CSMD1: variants seen among roughly 807,000 people sequenced by gnomAD.
The protein encoded by CSMD1 is CUB and sushi domain-containing protein 1.
CSMD1 carries 213 observed loss-of-function variants against 417.5 expected under a neutral mutation model. The observed-to-expected ratio is 0.51, with a 90% CI of 0.46 to 0.57. The LOEUF is 0.57. CSMD1 is among the 20% of genes least tolerant of loss of function. The probability of loss-of-function intolerance (pLI) is 0.00; values close to 1 mark genes in which losing one functional copy is unlikely to be tolerated. For missense variants in CSMD1, 6,923 were observed against 4,529.7 expected (o/e 1.53, Z -15.17); for synonymous variants, 2,862 against 1,736.8 (o/e 1.65, Z -16.11).
At chr8:4,848,234 T>G (rs1473777828) in intron 1 of CSMD1, among the ~76,000 whole-genome samples, 1 of 152,198 alleles carries the variant, frequency 6.6e-6, no homozygotes, top group Non-Finnish European at 1.5e-5. Flanking sequence ...GATAGACTAT[T>G]GGGGTGTTTC....
At position 3,569,763 on chromosome 8, in the gene CSMD1, G is replaced by C. The variant is rs1239484312; in HGVS notation, c.1344+5182C>G. On this transcript the variant is annotated intron_variant, in intron 10 of 69. Transcript: ENST00000635120. ...AGCCTAATTATACTTAATGGCAATG[G>C]CTGCTGCTTAATTTGGATGGTAATT... 2.0e-5 allele frequency among the ~76,000 whole-genome samples: 3 copies of C among 152,216 alleles called. No individual in the cohort carries two copies. In the South Asian group the frequency reaches 6.2e-4, roughly 32 times the overall value.
At chr8:4,189,549 A>G (rs1584988686) in intron 3 of CSMD1, among the ~76,000 whole-genome samples, 1 of 152,314 alleles carries the variant, frequency 6.6e-6, no homozygotes. Flanking sequence ...GTTACCATCA[A>G]TTATCCCTCC....
At chr8:4,826,316 T>G (rs1799823577) in intron 1 of CSMD1, among the ~76,000 whole-genome samples, 1 of 152,090 alleles carries the variant, frequency 6.6e-6, no homozygotes, top group South Asian at 2.1e-4. Flanking sequence ...TATATGTGTG[T>G]GTGTGTATAT....
At chr8:4,458,282 G>C (rs534871826) in intron 2 of CSMD1, among the ~76,000 whole-genome samples, 2 of 152,186 alleles carry the variant, frequency 1.3e-5, no homozygotes, top group South Asian at 2.1e-4. Flanking sequence ...CACTCAATGA[G>C]AAATATCTTT....
chr8:3,866,392 T>G (rs1304246266), intron 5 of CSMD1, among the ~76,000 whole-genome samples: 31 of 152,340 alleles, frequency 2.0e-4, no homozygotes, highest in South Asian at 2.1e-4. Context: ...TACCATTGCT[T>G]AGCTCATATG....
chr8:3,912,368 C>A (rs1808518056), intron 5 of CSMD1, among the ~76,000 whole-genome samples: 1 of 152,162 alleles, frequency 6.6e-6, no homozygotes, highest in African/African-American at 2.4e-5. Flanking sequence ...GGATTTACTA[C>A]ATTCAAGGCA....
At chr8:3,936,290 G>A (rs946967852) in intron 5 of CSMD1, among the ~76,000 whole-genome samples, 2 of 152,148 alleles carry the variant, frequency 1.3e-5, no homozygotes, top group Non-Finnish European at 2.9e-5. Flanking sequence ...TAAGATCAGT[G>A]ACGAAGGTGG....
chr8:4,594,416 T>C lies in CSMD1; in HGVS notation c.302+42926A>G, dbSNP rs572209128. Among the ~76,000 whole-genome samples the C allele has an allele frequency of 2.6e-5, 4 of 152,132 alleles. No homozygotes were observed. In the South Asian group the frequency reaches 8.3e-4, roughly 32 times the overall value. ...GATTTCACCATGTTGGCCAGGCTGG[T>C]CTCAAACTCCTGAACTCAAGTAATC... is the stretch of plus-strand genomic sequence containing the variant. On this transcript the variant is annotated intron_variant, in intron 2 of 69. Transcript: ENST00000635120.
intron 10 of CSMD1, among the ~76,000 whole-genome samples, chr8:3,505,643 A>T (rs567416514): frequency 6.6e-6 from 1 of 152,346 alleles, no homozygotes; most frequent in African/African-American, 2.4e-5. Flanking sequence ...TACAAATCAA[A>T]GTTAGTTTTG....
chr8:3,579,023 G>T (rs1479711790), intron 9 of CSMD1, among the ~76,000 whole-genome samples: 3 of 152,176 alleles, frequency 2.0e-5, no homozygotes, highest in African/African-American at 7.2e-5. Flanking sequence ...CTAATAGAGA[G>T]TAAAATTCAC....
At chr8:4,471,293 A>T (rs1021541136) in intron 2 of CSMD1, among the ~76,000 whole-genome samples, 1 of 152,200 alleles carries the variant, frequency 6.6e-6, no homozygotes, top group Non-Finnish European at 1.5e-5. Context: ...CAACAAAGTC[A>T]AACAGGTTGG....
intron 12 of CSMD1, among the ~76,000 whole-genome samples, chr8:3,445,026 G>C (rs1815213461): frequency 6.6e-6 from 1 of 152,272 alleles, no homozygotes; most frequent in South Asian, 2.1e-4. Context: ...CCAAGTCACA[G>C]AAACTTTCTT....
intron 1 of CSMD1, among the ~76,000 whole-genome samples, chr8:4,844,037 T>C (rs1278370295): frequency 1.3e-5 from 2 of 152,196 alleles, no homozygotes; most frequent in Admixed American, 6.5e-5. Flanking sequence ...TAGACTACGG[T>C]CACTGCATGC....
chr8:4,365,265 TAAAG>T (rs1172927800), intron 3 of CSMD1, among the ~76,000 whole-genome samples: 6 of 152,228 alleles, frequency 3.9e-5, no homozygotes, highest in African/African-American at 1.4e-4. Context: ...TTTACTTTCT[TAAAG>T]AAAAACTGTA....
intron 3 of CSMD1, among the ~76,000 whole-genome samples, chr8:4,163,391 A>T (rs1797277960): frequency 6.6e-6 from 1 of 152,178 alleles, no homozygotes; most frequent in South Asian, 2.1e-4. Context: ...CCAAGACAGC[A>T]ATCTACATTG....
chr8:4,066,369 C>A (rs986811819), intron 3 of CSMD1, among the ~76,000 whole-genome samples: 4 of 152,122 alleles, frequency 2.6e-5, no homozygotes, highest in African/African-American at 4.8e-5. Flanking sequence ...TTTCTAAGTC[C>A]CACTCAGCGC....
intron 3 of CSMD1, among the ~76,000 whole-genome samples, chr8:4,135,366 AGGGGAAAGT>A (rs1381756557): frequency 3.8e-5 from 5 of 130,178 alleles, no homozygotes; most frequent in Non-Finnish European, 6.3e-5. Context: ...GAGGGAAGGA[AGGGGAAAGT>A]GGGAAAGAGG....
chr8:4,157,208 C>G (rs1291033591), intron 3 of CSMD1, among the ~76,000 whole-genome samples: 1 of 152,162 alleles, frequency 6.6e-6, no homozygotes, highest in Admixed American at 6.5e-5. Context: ...ATTTACATTT[C>G]AGTGTCCACA....
chr8:4,817,181 T>C (rs1040223671), intron 1 of CSMD1, among the ~76,000 whole-genome samples: 2 of 152,198 alleles, frequency 1.3e-5, no homozygotes, highest in Non-Finnish European at 2.9e-5. Flanking sequence ...ACTATACTCA[T>C]GTATAAATAT....
Sources: gnomAD v4.1 joint callset for allele counts (sites outside exome capture counted in the v4.1 genomes callset) on GRCh38, gnomAD v4.1.1 for gene constraint, MANE v1.5 for transcripts, NCBI Gene and HGNC (gene_info 2026-07-23, HGNC 2026-07-21) for gene names.